Variants in HS6ST1 observed in about 807,000 individuals in gnomAD.
HS6ST1 encodes the protein heparan-sulfate 6-O-sulfotransferase 1.
A neutral mutation model predicts 25.2 loss-of-function variants in HS6ST1; 3 were observed. The ratio of observed to expected loss-of-function variants is 0.12; its 90% confidence interval spans 0.05 to 0.31. The LOEUF is 0.31. Among genes scored for constraint, HS6ST1 ranks in the 10% least tolerant of loss-of-function variants. The pLI, the probability that HS6ST1 is intolerant of heterozygous loss-of-function variation, is 1.00. For synonymous variants in HS6ST1, 204 were observed against 275.1 expected, an observed-to-expected ratio of 0.74 and a Z score of 2.56; for missense variants, 310 against 609.6, an observed-to-expected ratio of 0.51 and a Z score of 5.18.
intron 1 of HS6ST1, among the ~76,000 whole-genome samples, chr2:128,302,738 G>C (rs572798653): frequency 6.6e-6 from 1 of 152,230 alleles, no homozygotes. Flanking sequence ...CAGCCCTTGA[G>C]GCTAGGTCTC....
At chr2:128,274,676 C>T (rs1330209170) in intron 1 of HS6ST1, among the ~76,000 whole-genome samples, 1 of 152,016 alleles carries the variant, frequency 6.6e-6, no homozygotes, top group Non-Finnish European at 1.5e-5. Context: ...GACAGAAGCT[C>T]TAGGAAAAAA....
chr2:128,300,901 C>T (rs563267374), intron 1 of HS6ST1, among the ~76,000 whole-genome samples: 135 of 152,380 alleles, frequency 8.9e-4, no homozygotes, highest in African/African-American at 3.2e-3. Flanking sequence ...GAGCCGCCAC[C>T]GTGTGCTGTG....
intron 1 of HS6ST1, among the ~76,000 whole-genome samples, chr2:128,305,513 C>T (rs1254528792): frequency 6.6e-6 from 1 of 152,222 alleles, no homozygotes; most frequent in East Asian, 1.9e-4. Context: ...CAACCGGGAG[C>T]CCTGGGGTCT....
At chr2:128,274,428 A>C (rs1194100438) in intron 1 of HS6ST1, among the ~76,000 whole-genome samples, 1 of 152,236 alleles carries the variant, frequency 6.6e-6, no homozygotes, top group African/African-American at 2.4e-5. Context: ...ACCCAGCCAA[A>C]CTATCAATCA....
chr2:128,301,020 T>C (rs1419965102), intron 1 of HS6ST1, among the ~76,000 whole-genome samples: 1 of 152,224 alleles, frequency 6.6e-6, no homozygotes, highest in East Asian at 1.9e-4. Context: ...GTCACAAAGT[T>C]TGAGGAGTCT....
intron 1 of HS6ST1, among the ~76,000 whole-genome samples, chr2:128,292,850 A>C (rs1429040775): frequency 6.6e-6 from 1 of 151,934 alleles, no homozygotes; most frequent in Non-Finnish European, 1.5e-5. Context: ...CTGCTGGAAA[A>C]GACGGCTCGA....
chr2:128,290,475 C>A (rs1466378761), intron 1 of HS6ST1, among the ~76,000 whole-genome samples: 1 of 152,116 alleles, frequency 6.6e-6, no homozygotes, highest in Non-Finnish European at 1.5e-5. Flanking sequence ...AAAATCTTAT[C>A]AAATCCAACC....
Position 128,274,353 on chromosome 2 carries a change from C to T in HS6ST1, c.528-5483G>A, listed in dbSNP as rs150058172. On this transcript the variant is annotated intron_variant, in intron 1 of 1. Coordinates refer to ENST00000259241, the MANE Select transcript of HS6ST1 (RefSeq NM_004807.3). ...TAAATGGCATGCTTCTCCATTGCAA[C>T]GCCGTATGTTAGAAACCATTGGAGC... Among the ~76,000 whole-genome samples the T allele has an allele frequency of 2.5e-4, 38 of 152,256 alleles. No homozygotes were observed. The East Asian group carries it at 4.6e-3, about 19-fold the overall frequency.
At chr2:128,306,388 G>A (rs1694210043) in intron 1 of HS6ST1, among the ~76,000 whole-genome samples, 1 of 152,168 alleles carries the variant, frequency 6.6e-6, no homozygotes, top group Admixed American at 6.5e-5. Flanking sequence ...CTGGCTCCCT[G>A]CTCCAGGACG....
At chr2:128,316,738 G>A (rs1694370395) in intron 1 of HS6ST1, among the ~76,000 whole-genome samples, 1 of 151,712 alleles carries the variant, frequency 6.6e-6, no homozygotes, top group Non-Finnish European at 1.5e-5. Flanking sequence ...GGGGAGGGGG[G>A]AGAAAGAAAA....
intron 1 of HS6ST1, among the ~76,000 whole-genome samples, chr2:128,285,796 C>T (rs1328154194): frequency 6.6e-6 from 1 of 152,344 alleles, no homozygotes; most frequent in South Asian, 2.1e-4. Flanking sequence ...CAGGGCCTTT[C>T]TCCACTGATG....
At chr2:128,270,057 G>A (rs1462957352) in intron 1 of HS6ST1, among the ~76,000 whole-genome samples, 2 of 152,232 alleles carry the variant, frequency 1.3e-5, no homozygotes, top group Non-Finnish European at 2.9e-5. Flanking sequence ...CGCCTATGAG[G>A]ACATGTCAGA....
chr2:128,292,441 G>C (rs1218094744), intron 1 of HS6ST1, among the ~76,000 whole-genome samples: 1 of 152,214 alleles, frequency 6.6e-6, no homozygotes. Context: ...AACCCGGGGC[G>C]AGACACGTAC....
At chr2:128,310,543 A>G (rs1694274935) in intron 1 of HS6ST1, among the ~76,000 whole-genome samples, 1 of 152,104 alleles carries the variant, frequency 6.6e-6, no homozygotes. Context: ...ATGGAGGGGG[A>G]GAGCTGTCCT....
chr2:128,286,025 G>A (rs551664102), intron 1 of HS6ST1, among the ~76,000 whole-genome samples: 56 of 152,334 alleles, frequency 3.7e-4, no homozygotes, highest in African/African-American at 1.3e-3. Context: ...GCCCCTCTGA[G>A]CCCCAGGGAC....
intron 1 of HS6ST1, chr2:128,289,567 C>G (rs909594954): frequency 2.0e-5 from 3 of 152,242 alleles, no homozygotes; most frequent in African/African-American, 7.2e-5. Flanking sequence ...GAGAACCCGG[C>G]GCGCCATTGG....
At chr2:128,288,431 A>G (rs1558873808) in intron 1 of HS6ST1, among the ~76,000 whole-genome samples, 1 of 152,186 alleles carries the variant, frequency 6.6e-6, no homozygotes, top group East Asian at 1.9e-4. Context: ...ACTCCATGGC[A>G]GTAGAAAAGC....
At position 128,318,828 on chromosome 2, in the gene HS6ST1, G is replaced by A. The variant is rs1054131583; in HGVS notation, c.-265C>T. ...CAGCACAGCGCTCTCCGCGCCCCCA[G>A]CACCAGCCCGCTCCGCTCCACTCCG... On this transcript the variant is annotated 5_prime_UTR_variant, in exon 1 of 2. Transcript: ENST00000259241. This position sits in a 1 kb window ranked among gnomAD's most constrained non-coding sequence, Gnocchi z 5.7. 2.7e-5 allele frequency among the ~76,000 whole-genome samples: 4 copies of A among 147,664 alleles called. No individual in the cohort carries two copies. Among genetic ancestry groups the A allele is most frequent in the Admixed American group, 2.7e-4 (4 of 14,904 alleles).
intron 1 of HS6ST1, among the ~76,000 whole-genome samples, chr2:128,271,709 G>A (rs946314733): frequency 6.6e-6 from 1 of 152,170 alleles, no homozygotes; most frequent in African/African-American, 2.4e-5. Context: ...CCCAGAAGAC[G>A]CAGCACTCAA....
Sources: allele counts gnomAD v4.1 joint callset (sites outside exome capture counted in the v4.1 genomes callset), GRCh38; gene constraint gnomAD v4.1.1; non-coding constraint Gnocchi (gnomAD v3.1); transcripts MANE v1.5; gene names NCBI Gene and HGNC (gene_info 2026-07-23, HGNC 2026-07-21).